Variants in CENPI observed in about 807,000 individuals in gnomAD.
CENPI encodes the protein centromere protein I.
A neutral mutation model predicts 60.4 loss-of-function variants in CENPI; 4 were observed. The observed-to-expected ratio is 0.07, with a 90% CI of 0.03 to 0.15. The LOEUF is 0.15. CENPI is among the 10% of genes least tolerant of loss of function. The pLI, the probability that CENPI is intolerant of heterozygous loss-of-function variation, is 1.00. For missense variants in CENPI, 444 were observed against 534.5 expected (o/e 0.83, Z 1.67); for synonymous variants, 157 against 189.4 (o/e 0.83, Z 1.40).
chrX:101,154,686 C>A (rs1437972382), intron 20 of CENPI, among the ~76,000 whole-genome samples: 1 of 111,870 alleles, frequency 8.9e-6, no homozygotes, highest in African/African-American at 3.2e-5. Context: ...AATATTAAGT[C>A]TTCCAATGCA....
Position 101,132,257 on chromosome X carries a change from G to A in CENPI, c.1355G>A (p.Arg452Gln), listed in dbSNP as rs772489648. 9.9e-6 allele frequency: 12 copies of A among 1,209,615 alleles called. No individual in the cohort carries two copies. The highest frequency in any genetic ancestry group is 4.4e-5 in the Admixed American group (2 of 45,961). The change falls in exon 14 of 22, where the codon CGG becomes CAG. Residue 452 changes from arginine to glutamine, a missense_variant. Arg to Gln is a conservative substitution (Grantham distance 43). Transcript: ENST00000682095. ...CCTCTCTGGGATGGCCTTTGTTGTC[G>A]GTCACAGTTCCTTCAGCTTGTGAGC... The part of the protein sequence containing the change: ...SLPLWDGLCC[R>Q]SQFLQLVSWI...
chrX:101,177,724 T>G, the CENPI span, among the ~76,000 whole-genome samples: 6 of 111,865 alleles, frequency 5.4e-5, no homozygotes, highest in African/African-American at 2.0e-4. Context: ...GTAAGGGAGT[T>G]TGTCCTCAGG....
rs754028733 is a variant in CENPI at position 101,114,685 on chromosome X, G to A, written c.591+4687G>A. ...ACAGAGTTTCACTCTTGTTGCCCAG[G>A]CTGGAGTGCAGTGGTGCAATCTCGG... is the stretch of plus-strand genomic sequence containing the variant. On this transcript the variant is annotated intron_variant, in intron 6 of 21. Transcript: ENST00000682095. 7.1e-5 allele frequency among the ~76,000 whole-genome samples: 8 copies of A among 112,044 alleles called. No individual in the cohort carries two copies. In the South Asian group the frequency reaches 2.2e-3, roughly 31 times the overall value.
chrX:101,135,726 G>GT (rs1328483552), intron 15 of CENPI, among the ~76,000 whole-genome samples: 17 of 108,485 alleles, frequency 1.6e-4, no homozygotes, highest in African/African-American at 2.7e-4. Context: ...GTATATTATG[G>GT]TTTTTTTTTT....
chrX:101,142,235 A>G (rs1330695396), intron 16 of CENPI, among the ~76,000 whole-genome samples: 1 of 112,044 alleles, frequency 8.9e-6, no homozygotes, highest in Non-Finnish European at 1.9e-5. Context: ...CAATTTCTGT[A>G]TTATCTTTTC....
chrX:101,113,607 G>A (rs959211991), intron 6 of CENPI, among the ~76,000 whole-genome samples: 1 of 111,934 alleles, frequency 8.9e-6, no homozygotes, highest in Non-Finnish European at 1.9e-5. Flanking sequence ...ACCACGCCTG[G>A]CCGATACTAT....
chrX:101,106,934 G>A (rs2089489835), intron 4 of CENPI, among the ~76,000 whole-genome samples: 2 of 108,234 alleles, frequency 1.8e-5, no homozygotes, highest in Admixed American at 2.0e-4. Flanking sequence ...GGTGGCACGT[G>A]CCTGTAGTCC....
Position 101,147,787 on chromosome X carries a change from A to G in CENPI, c.1851A>G (p.Ala617=). Residue 617 remains alanine, a synonymous_variant, in exon 19 of 22, where the codon GCA becomes GCG. Coordinates refer to ENST00000682095, the MANE Select transcript of CENPI (RefSeq NM_001386188.2). ...GATATCGTAAAAATTTGACTGCCGC[A>G]AAGAAAAATGAGTTGGTACAAAAGG... ...MHRYRKNLTA[A]KKNELVQKTK... is the part of the protein sequence containing the mutation. 1 of 1,206,969 alleles carries G rather than the reference A, an allele frequency of 8.3e-7. No homozygotes were observed. Among genetic ancestry groups the G allele is most frequent in the Admixed American group, 2.2e-5 (1 of 45,426 alleles).
intron 8 of CENPI, among the ~76,000 whole-genome samples, chrX:101,125,563 A>G (rs1312955889): frequency 9.1e-6 from 1 of 110,377 alleles, no homozygotes; most frequent in Non-Finnish European, 1.9e-5. Flanking sequence ...CAGCCGGCCT[A>G]ATTTTTGTAT....
intron 8 of CENPI, among the ~76,000 whole-genome samples, chrX:101,123,449 TCTCC>T (rs1361914657): frequency 8.9e-6 from 1 of 111,756 alleles, no homozygotes. Context: ...AAGGGTTGGT[TCTCC>T]CTCTACCGGG....
At chrX:101,132,515 A>G (rs2089805224) in intron 15 of CENPI, 59 bp downstream of exon 15, 4 of 975,886 alleles carry the variant, frequency 4.1e-6, no homozygotes, top group African/African-American at 1.9e-5. Flanking sequence ...TGCTAGTGGT[A>G]CACAATTCCA....
intron 8 of CENPI, among the ~76,000 whole-genome samples, chrX:101,122,692 A>G (rs969487565): frequency 2.7e-5 from 3 of 110,596 alleles, no homozygotes; most frequent in Non-Finnish European, 3.8e-5. Flanking sequence ...CTTGGCCAAC[A>G]TGGTGAAACC....
downstream of CENPI, among the ~76,000 whole-genome samples, chrX:101,167,601 G>A: frequency 9.0e-6 from 1 of 111,639 alleles, no homozygotes; most frequent in Non-Finnish European, 1.9e-5. Context: ...GAATGTGGGG[G>A]ACCTCTGGGT....
At chrX:101,162,050 C>G (rs2090112659) in intron 21 of CENPI, among the ~76,000 whole-genome samples, 1 of 110,321 alleles carries the variant, frequency 9.1e-6, no homozygotes, top group Non-Finnish European at 1.9e-5. Context: ...AAGTGATTCT[C>G]CTGCCTCAGC....
intron 20 of CENPI, among the ~76,000 whole-genome samples, chrX:101,155,070 A>G (rs2090040881): frequency 9.0e-6 from 1 of 111,038 alleles, no homozygotes; most frequent in Admixed American, 9.7e-5. Flanking sequence ...TGCTAATTGT[A>G]CTGCCTAGAA....
At chrX:101,112,264 G>C (rs1403584302) in intron 6 of CENPI, among the ~76,000 whole-genome samples, 2 of 111,805 alleles carry the variant, frequency 1.8e-5, no homozygotes, top group Non-Finnish European at 3.8e-5. Flanking sequence ...TCTAATAATT[G>C]GTGATGGTAT....
chrX:101,103,657 A>G (rs1216968367), intron 4 of CENPI, among the ~76,000 whole-genome samples: 2 of 111,958 alleles, frequency 1.8e-5, no homozygotes, highest in Non-Finnish European at 3.8e-5. Flanking sequence ...TTAGACTTTG[A>G]ATTACATTGT....
the CENPI span, among the ~76,000 whole-genome samples, chrX:101,178,398 C>CTTTTTTTTTTTTTTTTTTTT: frequency 8.0e-4 from 32 of 39,970 alleles, 5 homozygotes; most frequent in Non-Finnish European, 1.0e-3. Flanking sequence ...TTTTCTTCTT[C>CTTTTTTTTTTTTTTTTTTTT]TTTTTTTTTT....
At chrX:101,101,528 CT>C (rs1453562537) in intron 3 of CENPI, among the ~76,000 whole-genome samples, 12 of 109,419 alleles carry the variant, frequency 1.1e-4, no homozygotes, top group Non-Finnish European at 5.7e-5. Context: ...ACTTGAGAAC[CT>C]TTTTTTCTTT....
Sources: gnomAD v4.1 joint callset for allele counts (sites outside exome capture counted in the v4.1 genomes callset) on GRCh38, gnomAD v4.1.1 for gene constraint, MANE v1.5 for transcripts, NCBI Gene and HGNC (gene_info 2026-07-23, HGNC 2026-07-21) for gene names.